HMGN5: variants seen among roughly 807,000 people sequenced by gnomAD.
HMGN5 encodes the protein high mobility group nucleosome-binding domain-containing protein 5.
A neutral mutation model predicts 9.5 loss-of-function variants in HMGN5; 4 were observed. The observed-to-expected ratio is 0.42, with a 90% CI of 0.21 to 0.96. The LOEUF is 0.96. HMGN5 is among the 40% of genes least tolerant of loss of function. The pLI is 0.30. For missense variants in HMGN5, 192 were observed against 187.5 expected (o/e 1.02, Z -0.14); for synonymous variants, 55 against 57.1 (o/e 0.96, Z 0.16).
At chrX:81,121,063 AG>A (rs1342505418) in intron 2 of HMGN5, among the ~76,000 whole-genome samples, 2 of 108,865 alleles carry the variant, frequency 1.8e-5, no homozygotes, top group African/African-American at 6.7e-5. Context: ...GGAGGAGGGA[AG>A]GAAAAAAAAA....
At chrX:81,163,830 G>A (rs1168886004) in intron 1 of HMGN5, among the ~76,000 whole-genome samples, 2 of 111,377 alleles carry the variant, frequency 1.8e-5, no homozygotes, top group Non-Finnish European at 3.8e-5. Flanking sequence ...ATTCTTATGC[G>A]ATCTCCATTT....
chrX:81,187,595 G>T (rs1392319046), intron 1 of HMGN5, among the ~76,000 whole-genome samples: 1 of 111,155 alleles, frequency 9.0e-6, no homozygotes, highest in Non-Finnish European at 1.9e-5. Context: ...GTGCACCTTT[G>T]TAGGGGAAGT....
chrX:81,156,161 A>G (rs2075382390), intron 1 of HMGN5, among the ~76,000 whole-genome samples: 1 of 112,060 alleles, frequency 8.9e-6, no homozygotes, highest in African/African-American at 3.2e-5. Flanking sequence ...ACTCAATGTC[A>G]TTTTGTTTTC....
chrX:81,117,259 C>CTT (rs759107065), intron 5 of HMGN5, among the ~76,000 whole-genome samples: 3 of 78,406 alleles, frequency 3.8e-5, no homozygotes, highest in African/African-American at 4.8e-5. Flanking sequence ...CTTTTTTTTC[C>CTT]GTTTTTTTTT....
intron 1 of HMGN5, among the ~76,000 whole-genome samples, chrX:81,168,076 A>C (rs1388638021): frequency 8.9e-6 from 1 of 112,067 alleles, no homozygotes; most frequent in African/African-American, 3.2e-5. Flanking sequence ...CTTGGAAACC[A>C]ATTCTTTTAC....
At chrX:81,180,673 C>A (rs1334416350) in intron 1 of HMGN5, among the ~76,000 whole-genome samples, 5 of 111,823 alleles carry the variant, frequency 4.5e-5, no homozygotes, top group African/African-American at 1.6e-4. Flanking sequence ...CTAGAAATAT[C>A]ATTTGACCCA....
At chrX:81,171,302 A>C (rs938617316) in intron 1 of HMGN5, among the ~76,000 whole-genome samples, 1 of 111,787 alleles carries the variant, frequency 8.9e-6, no homozygotes, top group Non-Finnish European at 1.9e-5. Flanking sequence ...TAAGAAGAAA[A>C]ATGAATAGGA....
At chrX:81,170,092 A>G (rs1380681854) in intron 1 of HMGN5, among the ~76,000 whole-genome samples, 1 of 106,770 alleles carries the variant, frequency 9.4e-6, no homozygotes, top group Non-Finnish European at 1.9e-5. Flanking sequence ...GAGTACCACC[A>G]GCAGCAATAA....
intron 1 of HMGN5, among the ~76,000 whole-genome samples, chrX:81,150,017 A>C (rs2075356371): frequency 8.9e-6 from 1 of 112,001 alleles, no homozygotes; most frequent in Non-Finnish European, 1.9e-5. Context: ...GAAAATCAAA[A>C]AAGAAACATT....
At chrX:81,181,260 T>C (rs1164537042) in intron 1 of HMGN5, among the ~76,000 whole-genome samples, 1 of 111,612 alleles carries the variant, frequency 9.0e-6, no homozygotes, top group Non-Finnish European at 1.9e-5. Context: ...CAAACCTTAT[T>C]CATTATTAAT....
intron 1 of HMGN5, among the ~76,000 whole-genome samples, chrX:81,144,099 G>C (rs1487403250): frequency 9.0e-6 from 1 of 111,679 alleles, no homozygotes; most frequent in Non-Finnish European, 1.9e-5. Context: ...GTCCCTGCAT[G>C]ACAGCTCTTA....
chrX:81,151,791 T>G (rs1255873605), intron 1 of HMGN5, among the ~76,000 whole-genome samples: 1 of 110,757 alleles, frequency 9.0e-6, no homozygotes, highest in Non-Finnish European at 1.9e-5. Flanking sequence ...TTTTTGTACA[T>G]TGATTTTATA....
At chrX:81,185,823 A>G (rs954843300) in intron 1 of HMGN5, among the ~76,000 whole-genome samples, 1 of 111,486 alleles carries the variant, frequency 9.0e-6, no homozygotes, top group Non-Finnish European at 1.9e-5. Flanking sequence ...TTTATCATGA[A>G]GGGATGTTGG....
intron 1 of HMGN5, among the ~76,000 whole-genome samples, chrX:81,189,305 CTTGTTTTTTA>C: frequency 9.0e-6 from 1 of 111,226 alleles, no homozygotes; most frequent in East Asian, 2.8e-4. Flanking sequence ...TGTAGGTGTA[CTTGTTTTTTA>C]TTGTTTTTTA....
At chrX:81,179,607 C>T (rs1246526476) in intron 1 of HMGN5, among the ~76,000 whole-genome samples, 1 of 111,444 alleles carries the variant, frequency 9.0e-6, no homozygotes, top group Non-Finnish European at 1.9e-5. Flanking sequence ...GAATTAATAT[C>T]GTGAAAGTGG....
intron 1 of HMGN5, among the ~76,000 whole-genome samples, chrX:81,136,118 T>C (rs2075310462): frequency 8.9e-6 from 1 of 111,838 alleles, no homozygotes; most frequent in Non-Finnish European, 1.9e-5. Context: ...ATTTCTTGTC[T>C]TGATAATGTA....
intron 1 of HMGN5, among the ~76,000 whole-genome samples, chrX:81,141,504 G>T (rs1300892913): frequency 9.0e-6 from 1 of 110,960 alleles, no homozygotes; most frequent in East Asian, 2.8e-4. Flanking sequence ...GAGAGAGAGA[G>T]AGAGACTACT....
chrX:81,177,366 G>GAAAAA (rs2075445558), intron 1 of HMGN5, among the ~76,000 whole-genome samples: 2 of 1,592 alleles, frequency 1.3e-3, no homozygotes, highest in Non-Finnish European at 2.5e-3. Context: ...CAAATGGAAA[G>GAAAAA]CAAAAAAAAA....
chrX:81,144,408 C>T (rs977596156), intron 1 of HMGN5, among the ~76,000 whole-genome samples: 2 of 111,222 alleles, frequency 1.8e-5, no homozygotes, highest in Admixed American at 9.6e-5. Context: ...GCAGACGAGT[C>T]GGACTGTTAG....
Sources: allele counts gnomAD v4.1 joint callset (sites outside exome capture counted in the v4.1 genomes callset), GRCh38; gene constraint gnomAD v4.1.1; transcripts MANE v1.5; gene names NCBI Gene and HGNC (gene_info 2026-07-23, HGNC 2026-07-21).